Variants in SCML4 observed in about 807,000 individuals in gnomAD.
SCML4 encodes sex comb on midleg-like protein 4.
Under a neutral mutation model 41.1 loss-of-function variants are expected in SCML4, and 34 were observed. The observed-to-expected ratio is 0.83, with a 90% confidence interval of 0.63 to 1.10. The LOEUF is 1.10. Ranked by LOEUF, SCML4 falls within the 50% of genes least tolerant of loss-of-function variation. The probability of loss-of-function intolerance (pLI) is 0.00; values close to 1 mark genes in which losing one functional copy is unlikely to be tolerated. For synonymous variants in SCML4, 214 were observed against 220.9 expected (o/e 0.97, Z 0.28); for missense variants, 522 against 534.1 (o/e 0.98, Z 0.22).
At chr6:107,782,028 A>G (rs781250718) in intron 1 of SCML4, among the ~76,000 whole-genome samples, 34 of 152,358 alleles carry the variant, frequency 2.2e-4, no homozygotes, top group Non-Finnish European at 4.6e-4. Flanking sequence ...CCCTGCCCCC[A>G]AGAGGGGTAC....
chr6:107,794,549 A>G (rs1782570453), intron 1 of SCML4, among the ~76,000 whole-genome samples: 2 of 152,190 alleles, frequency 1.3e-5, no homozygotes, highest in Admixed American at 1.3e-4. Context: ...TATTATATGT[A>G]TACGTATGTA....
the SCML4 span, among the ~76,000 whole-genome samples, chr6:107,845,214 C>T: frequency 4.6e-5 from 7 of 151,796 alleles, no homozygotes; most frequent in South Asian, 4.2e-4. Context: ...CCAGCCCGGG[C>T]GACAGAGCTA....
At chr6:107,764,809 C>A (rs1042116391) in intron 2 of SCML4, among the ~76,000 whole-genome samples, 1 of 152,144 alleles carries the variant, frequency 6.6e-6, no homozygotes, top group Non-Finnish European at 1.5e-5. Context: ...GGTAATTTCC[C>A]CCATACTGTT....
chr6:107,747,783 C>A (rs1394168479), intron 3 of SCML4, among the ~76,000 whole-genome samples: 1 of 151,974 alleles, frequency 6.6e-6, no homozygotes, highest in Non-Finnish European at 1.5e-5. Flanking sequence ...GAGAAGACTG[C>A]CCAAAGGGTT....
rs147577936 is a variant in SCML4 at position 107,718,157 on chromosome 6, C to G, written c.973+2546G>C. ...TATGAGTTAGCTCTGTGTCCCCACC[C>G]AAATCTCACCTTGAATTGTAATAAT... is the stretch of plus-strand genomic sequence containing the variant. On this transcript the variant is annotated intron_variant, in intron 6 of 7. Transcript: ENST00000369020. Among the ~76,000 whole-genome samples the G allele has an allele frequency of 1.5e-3, 234 of 152,300 alleles. 2 individuals carry two copies. Among genetic ancestry groups the G allele is most frequent in the African/African-American group, 5.3e-3 (220 of 41,558 alleles).
rs529942835 is a variant in SCML4 at position 107,724,674 on chromosome 6, G to A, written c.683-3681C>T. Among the ~76,000 whole-genome samples the A allele has an allele frequency of 2.6e-5, 4 of 152,252 alleles. No individual in the cohort carries two copies. The East Asian group carries it at 7.7e-4, about 29-fold the overall frequency. On this transcript the variant is annotated intron_variant, in intron 5 of 7. Coordinates refer to ENST00000369020, the MANE Select transcript of SCML4 (RefSeq NM_198081.5). Reference sequence around the variant, plus strand: ...AAAATCTCATGTTCATAGATCAGAAGGCTTATTTTTAGGGTGGCAATTCCC... The same window carrying A: ...AAAATCTCATGTTCATAGATCAGAAAGCTTATTTTTAGGGTGGCAATTCCC...
chr6:107,743,372 C>T (rs1340973718), intron 5 of SCML4, among the ~76,000 whole-genome samples: 1 of 152,144 alleles, frequency 6.6e-6, no homozygotes. Context: ...ATGGGAGATA[C>T]GGGTTATGCT....
chr6:107,746,663 C>T (rs2114497648), intron 4 of SCML4, 26 bp downstream of exon 4: 6 of 1,603,394 alleles, frequency 3.7e-6, no homozygotes, highest in Non-Finnish European at 5.1e-6. Context: ...CCATGGCCTC[C>T]TCATGCAACC....
intron 1 of SCML4, among the ~76,000 whole-genome samples, chr6:107,808,676 G>A (rs1379186675): frequency 6.6e-6 from 1 of 152,180 alleles, no homozygotes; most frequent in Non-Finnish European, 1.5e-5. Context: ...CAGAGGCTTT[G>A]AGAATGTTCA....
chr6:107,712,839 A>G (rs946689705), intron 6 of SCML4, among the ~76,000 whole-genome samples: 1 of 152,206 alleles, frequency 6.6e-6, no homozygotes, highest in African/African-American at 2.4e-5. Flanking sequence ...AGCCTGGTGC[A>G]GCTGCAGCAG....
the SCML4 span, among the ~76,000 whole-genome samples, chr6:107,835,496 T>C: frequency 6.6e-6 from 1 of 151,996 alleles, no homozygotes; most frequent in Admixed American, 6.6e-5. Context: ...TCCCAGCACT[T>C]CGGGAGGCCA....
rs11754556 is a variant in SCML4, at chr6:107,786,122, G to A, written c.-59-13736C>T. 7.3e-3 allele frequency among the ~76,000 whole-genome samples: 1,112 copies of A among 152,282 alleles called. 12 individuals are homozygous for A. Among genetic ancestry groups the A allele is most frequent in the Middle Eastern group, 0.024 (7 of 294 alleles). On this transcript the variant is annotated intron_variant, in intron 1 of 7. Coordinates refer to ENST00000369020, the MANE Select transcript of SCML4 (RefSeq NM_198081.5). ...TTTCCAAGTCTAAGAAAGTCTTCTG[G>A]AATAATGAAACTGACCTGCTTCTAA...
In SCML4 at chr6:107,772,312, T is replaced by C; in HGVS notation, c.16A>G (p.Ile6Val). 6.4e-7 allele frequency: 1 copy of C among 1,551,280 alleles called. No individual in the cohort carries two copies. Among genetic ancestry groups the C allele is most frequent in the Non-Finnish European group, 8.7e-7 (1 of 1,146,776 alleles). ...GGTCGGCCTCGCTTTCTCCCCGGGA[T>C]CCTTTGAGACTGCATTTCTGCTGGT... MQSQR[I>V]PGRKRGRPSL... Residue 6 changes from isoleucine to valine, a missense_variant, in exon 2 of 8, where the codon ATC (isoleucine) becomes GTC (valine). Coordinates refer to ENST00000369020, the MANE Select transcript of SCML4 (RefSeq NM_198081.5).
At chr6:107,747,272 A>G (rs1778206058) in intron 3 of SCML4, among the ~76,000 whole-genome samples, 2 of 152,356 alleles carry the variant, frequency 1.3e-5, no homozygotes, top group South Asian at 4.1e-4. Context: ...CTGTCAAGCT[A>G]TAGACAGTTT....
rs892204006 is a variant in SCML4, at chr6:107,729,388, C to T, written c.683-8395G>A. Among the ~76,000 whole-genome samples, 7 of 152,308 alleles carry T rather than the reference C, an allele frequency of 4.6e-5. No homozygotes were observed. In the South Asian group the frequency reaches 6.2e-4, roughly 14 times the overall value. On this transcript the variant is annotated intron_variant, in intron 5 of 7. Coordinates refer to ENST00000369020, the MANE Select transcript of SCML4 (RefSeq NM_198081.5). ...ACTGTGGTGTTTTCTCTGTGTGTCA[C>T]GATCTGTGTCCAAATTTCCTTCTTC...
the SCML4 span, among the ~76,000 whole-genome samples, chr6:107,843,649 C>T: frequency 2.3e-3 from 348 of 152,306 alleles, no homozygotes; most frequent in Non-Finnish European, 4.2e-3. Context: ...GTGCTGTCAT[C>T]GCCCACAGGC....
At chr6:107,819,719 T>C (rs1396358467) in intron 1 of SCML4, among the ~76,000 whole-genome samples, 1 of 149,444 alleles carries the variant, frequency 6.7e-6, no homozygotes, top group East Asian at 1.9e-4. Context: ...AAAATTTAGG[T>C]AGCATGTGTC....
intron 1 of SCML4, among the ~76,000 whole-genome samples, chr6:107,800,263 G>A (rs1411156693): frequency 6.6e-6 from 1 of 152,120 alleles, no homozygotes; most frequent in East Asian, 1.9e-4. Context: ...TGTTAACAGT[G>A]GATAATGTAA....
chr6:107,775,894 A>G lies in SCML4; in HGVS notation c.-59-3508T>C, dbSNP rs183472712. Reference sequence around the variant, plus strand: ...TATTAAATTTCCATTCAAAAAATTTAGGAACATTTCACATCAAGACACGAA... The same window carrying G: ...TATTAAATTTCCATTCAAAAAATTTGGGAACATTTCACATCAAGACACGAA... On this transcript the variant is annotated intron_variant, in intron 1 of 7. Transcript: ENST00000369020. 6.4e-3 allele frequency among the ~76,000 whole-genome samples: 982 copies of G among 152,324 alleles called. 3 individuals carry two copies. The highest frequency in any genetic ancestry group is 0.012 in the South Asian group (56 of 4,826).
Sources: allele counts gnomAD v4.1 joint callset (sites outside exome capture counted in the v4.1 genomes callset), GRCh38; gene constraint gnomAD v4.1.1; transcripts MANE v1.5; gene names NCBI Gene and HGNC (gene_info 2026-07-23, HGNC 2026-07-21).